GAS7: variants seen among roughly 807,000 people sequenced by gnomAD.
The protein encoded by GAS7 is growth arrest specific 7, also known as growth arrest-specific protein 7.
A neutral mutation model predicts 71.1 loss-of-function variants in GAS7; 28 were observed. That is an observed-to-expected ratio of 0.39 (90% CI 0.29 to 0.54). The LOEUF is 0.54. Among genes scored for constraint, GAS7 ranks in the 20% least tolerant of loss-of-function variants. The pLI is 0.62. For missense variants in GAS7, 436 were observed against 627.8 expected, an observed-to-expected ratio of 0.69 and a Z score of 3.27; for synonymous variants, 258 against 245.8, an observed-to-expected ratio of 1.05 and a Z score of -0.46.
At chr17:9,979,008 C>A (rs1266341405) in intron 3 of GAS7, among the ~76,000 whole-genome samples, 2 of 152,162 alleles carry the variant, frequency 1.3e-5, no homozygotes, top group Non-Finnish European at 2.9e-5. Flanking sequence ...TGTAGCCCCT[C>A]CCCCCGGTGC....
At position 9,913,872 on chromosome 17, in the gene GAS7, T is replaced by C. The variant is rs1238252643; in HGVS notation, c.*3356A>G. 1.3e-5 allele frequency: 3 copies of C among 231,702 alleles called. No individual in the cohort carries two copies. The highest frequency in any genetic ancestry group is 5.6e-5 in the Admixed American group (1 of 17,728). The allele number at this position is 231,702 out of a possible 1,614,324, so 14.4% of individuals were successfully genotyped here. ...TTTAAATCAGGCTTTCACAAACAGA[T>C]CTTGTGCATCAGTCTCCTGGGTGGA... On this transcript the variant is annotated 3_prime_UTR_variant, in exon 14 of 14. Transcript: ENST00000432992.
In GAS7 at chr17:9,911,326, C is replaced by T. The variant is rs1278547393; in HGVS notation, c.*5902G>A. ...GGGCCAGTCCTGTGCTCTCCCCCTGCATAGCAGGCTTTCCCTCTAGGTCTC... is the reference window on the plus strand; with the variant it reads ...GGGCCAGTCCTGTGCTCTCCCCCTGTATAGCAGGCTTTCCCTCTAGGTCTC... On this transcript the variant is annotated 3_prime_UTR_variant, in exon 14 of 14. Coordinates refer to ENST00000432992, the MANE Select transcript of GAS7 (RefSeq NM_201433.2). This position sits in a 1 kb window ranked among gnomAD's most constrained non-coding sequence, Gnocchi z 4.0. The T allele has an allele frequency of 4.3e-6, 1 of 233,394 alleles. No homozygotes were observed. The highest frequency in any genetic ancestry group is 8.5e-6 in the Non-Finnish European group (1 of 118,204). The allele number at this position is 233,394 out of a possible 1,614,324, so 14.5% of individuals were successfully genotyped here.
Position 9,911,448 on chromosome 17 carries a change from G to C in GAS7, c.*5780C>G. On this transcript the variant is annotated 3_prime_UTR_variant, in exon 14 of 14. Transcript: ENST00000432992. The surrounding 1 kb of genome is among the most constrained non-coding windows in gnomAD (Gnocchi z 4.0). ...CCCTCAAACACCAAGGAACAGTCCT[G>C]AACACCACACGCAATCTCCAAAGGC... is the stretch of plus-strand genomic sequence containing the variant. The C allele has an allele frequency of 4.3e-6, 1 of 233,162 alleles. No individual in the cohort carries two copies. Among genetic ancestry groups the C allele is most frequent in the Non-Finnish European group, 8.5e-6 (1 of 118,100 alleles). 14.4% of individuals were successfully genotyped at this position (233,162 alleles called of 1,614,324 possible). A position where few individuals can be genotyped will look rare whatever the true frequency, so the allele number is the denominator to read the frequency against.
intron 1 of GAS7, among the ~76,000 whole-genome samples, chr17:10,079,789 A>G (rs2073437732): frequency 6.6e-6 from 1 of 152,274 alleles, no homozygotes; most frequent in African/African-American, 2.4e-5. Context: ...TATTTAGCTC[A>G]GAATAAAACT....
At chr17:10,079,770 G>C (rs577457196) in intron 1 of GAS7, among the ~76,000 whole-genome samples, 3 of 152,136 alleles carry the variant, frequency 2.0e-5, no homozygotes, top group Admixed American at 1.3e-4. Context: ...ACACGGTCAT[G>C]GTCACTCATA....
At chr17:9,952,371 G>A (rs1048889844) in intron 5 of GAS7, among the ~76,000 whole-genome samples, 2 of 152,010 alleles carry the variant, frequency 1.3e-5, no homozygotes, top group Non-Finnish European at 2.9e-5. Context: ...TGGCAAGTGG[G>A]CAAAGGACAT....
At chr17:10,164,213 C>T (rs917991365) in intron 1 of GAS7, among the ~76,000 whole-genome samples, 6 of 152,104 alleles carry the variant, frequency 3.9e-5, no homozygotes, top group East Asian at 1.9e-4. Context: ...GAGGCCGAGG[C>T]GGGCAGATCA....
intron 10 of GAS7, among the ~76,000 whole-genome samples, chr17:9,925,960 A>G (rs2067986337): frequency 6.6e-6 from 1 of 151,990 alleles, no homozygotes. Flanking sequence ...TCCCTGCAGC[A>G]CTTAATAGGA....
chr17:10,105,798 C>G (rs1159449222), intron 1 of GAS7, among the ~76,000 whole-genome samples: 1 of 152,176 alleles, frequency 6.6e-6, no homozygotes, highest in Admixed American at 6.5e-5. Flanking sequence ...AACTCTACCC[C>G]ACCTCTCCAC....
At chr17:10,097,273 G>A (rs1335821060) in intron 1 of GAS7, among the ~76,000 whole-genome samples, 2 of 152,172 alleles carry the variant, frequency 1.3e-5, no homozygotes, top group Admixed American at 1.3e-4. Flanking sequence ...AGTGGTCAGG[G>A]CCCACTCACA....
At chr17:9,966,367 G>C (rs2069716527) in intron 4 of GAS7, among the ~76,000 whole-genome samples, 1 of 152,122 alleles carries the variant, frequency 6.6e-6, no homozygotes, top group African/African-American at 2.4e-5. Context: ...GGGGCGGAAA[G>C]AGATCACAAC....
intron 1 of GAS7, among the ~76,000 whole-genome samples, chr17:10,081,176 C>T (rs1009894352): frequency 9.9e-5 from 15 of 151,920 alleles, no homozygotes; most frequent in South Asian, 4.1e-4. Flanking sequence ...TTTCTTGAGA[C>T]GGAGTCTCGC....
intron 1 of GAS7, among the ~76,000 whole-genome samples, chr17:10,189,159 A>C (rs2074479288): frequency 6.6e-6 from 1 of 152,182 alleles, no homozygotes; most frequent in South Asian, 2.1e-4. Context: ...AAAATACAAA[A>C]GGGAAAAAGT....
rs553613135 is a variant in GAS7 at position 10,113,988 on chromosome 17, C to T, written c.183+84220G>A. ...GGAGTGCAGTGGTGTGATCACAGCT[C>T]ACTGCAGCCTCAACCTCCCGGGCTC... On this transcript the variant is annotated intron_variant, in intron 1 of 13. Transcript: ENST00000432992. Among the ~76,000 whole-genome samples, 6 of 152,272 alleles carry T rather than the reference C, an allele frequency of 3.9e-5. No individual in the cohort carries two copies. The South Asian group carries it at 1.0e-3, about 26-fold the overall frequency.
chr17:10,084,625 C>T (rs988880930), intron 1 of GAS7, among the ~76,000 whole-genome samples: 2 of 152,150 alleles, frequency 1.3e-5, no homozygotes, highest in Non-Finnish European at 2.9e-5. Context: ...TGCCACCACA[C>T]CTGGCTAATA....
rs148867970 is a variant in GAS7 at position 10,107,786 on chromosome 17, C to A, written c.184-87889G>T. ...TTAGGGAAACCGCCTTACACACAGT[C>A]CAGTGAGGGGCTGGGCAGGAGAACC... On this transcript the variant is annotated intron_variant, in intron 1 of 13. Transcript: ENST00000432992. 4.2e-3 allele frequency among the ~76,000 whole-genome samples: 629 copies of A among 150,106 alleles called. 6 individuals carry two copies. Among genetic ancestry groups the A allele is most frequent in the African/African-American group, 0.014 (559 of 40,618 alleles).
Position 9,919,270 on chromosome 17 carries a change from A to G in GAS7, c.1218+356T>C, listed in dbSNP as rs9890865. 0.59 allele frequency among the ~76,000 whole-genome samples: 89,699 copies of G among 151,860 alleles called. 26,776 individuals are homozygous for G. The highest frequency in any genetic ancestry group is 0.64 in the Non-Finnish European group (43,440 of 67,944). On this transcript the variant is annotated intron_variant, in intron 12 of 13. Coordinates refer to ENST00000432992, the MANE Select transcript of GAS7 (RefSeq NM_201433.2). The surrounding 1 kb of genome is among the most constrained non-coding windows in gnomAD (Gnocchi z 5.0). ...AAGGACCTGCAACTCGTGTGTGTGC[A>G]TGTGTGGGGCGGTCCTCTCTTCCTA...
intron 11 of GAS7, chr17:9,924,897 T>G (rs912324334): frequency 1.3e-5 from 2 of 152,244 alleles, no homozygotes. Context: ...TCTTTGTGTA[T>G]TAGCTAACTT....
chr17:9,979,290 G>A (rs2070322663), intron 3 of GAS7, among the ~76,000 whole-genome samples: 1 of 152,136 alleles, frequency 6.6e-6, no homozygotes, highest in Non-Finnish European at 1.5e-5. Flanking sequence ...CAGCACCCTG[G>A]GGATGGGGGC....
Sources: allele counts gnomAD v4.1 joint callset (sites outside exome capture counted in the v4.1 genomes callset), GRCh38; gene constraint gnomAD v4.1.1; non-coding constraint Gnocchi (gnomAD v3.1); transcripts MANE v1.5; gene names NCBI Gene and HGNC (gene_info 2026-07-23, HGNC 2026-07-21).